ENAH: variants seen among roughly 807,000 people sequenced by gnomAD.
ENAH encodes the protein protein enabled homolog.
Under a neutral mutation model 78.7 loss-of-function variants are expected in ENAH, and 23 were observed. The ratio of observed to expected loss-of-function variants is 0.29; its 90% CI spans 0.21 to 0.41. The LOEUF (loss-of-function observed/expected upper bound fraction) is 0.41. ENAH is among the 10% of genes least tolerant of loss of function. ENAH has a pLI of 1.00. For missense variants in ENAH, 544 were observed against 691.0 expected, an observed-to-expected ratio of 0.79 and a Z score of 2.39; for synonymous variants, 226 against 241.0, an observed-to-expected ratio of 0.94 and a Z score of 0.58.
intron 1 of ENAH, among the ~76,000 whole-genome samples, chr1:225,609,408 T>C (rs565392793): frequency 2.0e-5 from 3 of 151,604 alleles, no homozygotes; most frequent in African/African-American, 7.3e-5. Context: ...TATATAAACT[T>C]TGATTAACCA....
chr1:225,610,111 T>C (rs2096980402), intron 1 of ENAH, among the ~76,000 whole-genome samples: 1 of 151,806 alleles, frequency 6.6e-6, no homozygotes, highest in African/African-American at 2.4e-5. Context: ...CAGAGGAAAG[T>C]ATTCACAGTA....
intron 10 of ENAH, among the ~76,000 whole-genome samples, chr1:225,510,254 TATTAG>T (rs774027267): frequency 6.6e-6 from 1 of 152,210 alleles, no homozygotes; most frequent in African/African-American, 2.4e-5. Flanking sequence ...AGGGATTATA[TATTAG>T]ATAAGGAATT....
intron 1 of ENAH, among the ~76,000 whole-genome samples, chr1:225,576,086 T>A (rs114176747): frequency 6.6e-6 from 1 of 151,894 alleles, no homozygotes; most frequent in Non-Finnish European, 1.5e-5. Context: ...CTGGGCAACA[T>A]AGCAAGACCC....
chr1:225,522,410 CTTTATTTATGAGTAGTTA>C (rs908300482), intron 4 of ENAH, among the ~76,000 whole-genome samples: 2 of 152,092 alleles, frequency 1.3e-5, no homozygotes, highest in South Asian at 2.1e-4. Flanking sequence ...AAGAAACTGA[CTTTATTTATGAGTAGTTA>C]TTTATTTATG....
At chr1:225,609,907 G>A (rs570744191) in intron 1 of ENAH, among the ~76,000 whole-genome samples, 123 of 151,868 alleles carry the variant, frequency 8.1e-4, no homozygotes, top group African/African-American at 2.6e-3. Flanking sequence ...CAAGTGATCC[G>A]CCTGCCTCAG....
At chr1:225,604,732 G>T (rs2096948262) in intron 1 of ENAH, among the ~76,000 whole-genome samples, 1 of 152,072 alleles carries the variant, frequency 6.6e-6, no homozygotes. Flanking sequence ...GGCAGGGGTT[G>T]CAGTAAGCCG....
At chr1:225,611,338 A>G (rs1219598673) in intron 1 of ENAH, among the ~76,000 whole-genome samples, 2 of 152,026 alleles carry the variant, frequency 1.3e-5, no homozygotes, top group African/African-American at 4.8e-5. Flanking sequence ...TTATTTATTG[A>G]GACAGAGTCT....
At chr1:225,516,217 CT>C (rs1009129919) in intron 6 of ENAH, among the ~76,000 whole-genome samples, 1 of 152,134 alleles carries the variant, frequency 6.6e-6, no homozygotes, top group Admixed American at 6.5e-5. Context: ...ACAGAGGATG[CT>C]ATTCTCTCTT....
At chr1:225,599,755 C>T (rs2096920703) in intron 1 of ENAH, among the ~76,000 whole-genome samples, 1 of 147,630 alleles carries the variant, frequency 6.8e-6, no homozygotes, top group Non-Finnish European at 1.5e-5. Flanking sequence ...AAGATTGCAC[C>T]ACTGCACTCC....
intron 1 of ENAH, among the ~76,000 whole-genome samples, chr1:225,572,648 C>T (rs1474120150): frequency 6.6e-6 from 1 of 152,134 alleles, no homozygotes; most frequent in African/African-American, 2.4e-5. Flanking sequence ...TAGAGCAATG[C>T]ATCATTTTAC....
At chr1:225,616,566 A>T (rs1206493365) in intron 1 of ENAH, among the ~76,000 whole-genome samples, 2 of 151,898 alleles carry the variant, frequency 1.3e-5, no homozygotes, top group African/African-American at 4.8e-5. Context: ...CATGTTATAT[A>T]TAGTATTTAT....
intron 7 of ENAH, among the ~76,000 whole-genome samples, chr1:225,514,356 G>T (rs1575356225): frequency 6.6e-6 from 1 of 151,844 alleles, no homozygotes; most frequent in Admixed American, 6.6e-5. Context: ...AGTGAGATAG[G>T]GTTTTAACAT....
chr1:225,556,537 A>G (rs1453703173), intron 2 of ENAH, among the ~76,000 whole-genome samples: 1 of 151,996 alleles, frequency 6.6e-6, no homozygotes, highest in East Asian at 1.9e-4. Flanking sequence ...TGAGTTGTCA[A>G]CTTTTTTCTT....
At chr1:225,621,582 G>A (rs1227873779) in intron 1 of ENAH, among the ~76,000 whole-genome samples, 7 of 151,814 alleles carry the variant, frequency 4.6e-5, no homozygotes, top group East Asian at 3.9e-4. Context: ...GTGAGCCACC[G>A]CGCCCGGCCT....
chr1:225,584,758 TA>T (rs2096836949), intron 1 of ENAH, among the ~76,000 whole-genome samples: 1 of 152,142 alleles, frequency 6.6e-6, no homozygotes, highest in Non-Finnish European at 1.5e-5. Context: ...AATAAAATAT[TA>T]TATGTCATGA....
chr1:225,574,974 A>G (rs1436194535), intron 1 of ENAH, among the ~76,000 whole-genome samples: 3 of 152,146 alleles, frequency 2.0e-5, no homozygotes, highest in Non-Finnish European at 4.4e-5. Flanking sequence ...AATAATAAAC[A>G]TATTTTCTCA....
rs1365627478 is a variant in ENAH, at chr1:225,496,956, A to G, written c.*819T>C. The G allele has an allele frequency of 1.3e-5, 2 of 152,666 alleles. No individual in the cohort carries two copies. Among genetic ancestry groups the G allele is most frequent in the Non-Finnish European group, 2.9e-5 (2 of 68,046 alleles). The allele number at this position is 152,666 out of a possible 1,614,324, so 9.5% of individuals were successfully genotyped here. Reference sequence around the variant, plus strand: ...ACATTATAAAAATGTCCACATGCATAAATCTAAAAAAGGTTGAAAACCTAC... The same window carrying G: ...ACATTATAAAAATGTCCACATGCATGAATCTAAAAAAGGTTGAAAACCTAC... On this transcript the variant is annotated 3_prime_UTR_variant, in exon 14 of 14. Transcript: ENST00000366843.
At chr1:225,499,842 TGTTAAA>T (rs2151033203) in intron 12 of ENAH, among the ~76,000 whole-genome samples, 1 of 152,366 alleles carries the variant, frequency 6.6e-6, no homozygotes, top group Admixed American at 6.5e-5. Flanking sequence ...TAAATTGCTC[TGTTAAA>T]GTTTACCTTT....
intron 1 of ENAH, among the ~76,000 whole-genome samples, chr1:225,598,790 A>G (rs138845157): frequency 6.6e-6 from 1 of 152,290 alleles, no homozygotes; most frequent in East Asian, 1.9e-4. Context: ...AATGGCAGCT[A>G]ACAAAAGAAT....
Sources: allele counts gnomAD v4.1 joint callset (sites outside exome capture counted in the v4.1 genomes callset), GRCh38; gene constraint gnomAD v4.1.1; transcripts MANE v1.5; gene names NCBI Gene and HGNC (gene_info 2026-07-23, HGNC 2026-07-21).